ARHGAP22: variants seen among roughly 807,000 people sequenced by gnomAD.
The protein encoded by ARHGAP22 is Rho GTPase activating protein 22, also known as rho GTPase-activating protein 22.
ARHGAP22 carries 48 observed loss-of-function variants against 59.1 expected under a neutral mutation model. The ratio of observed to expected loss-of-function variants is 0.81; its 90% CI spans 0.64 to 1.03. The LOEUF (loss-of-function observed/expected upper bound fraction) is 1.03, where lower values mean the gene tolerates loss of function less well. Among genes scored for constraint, ARHGAP22 ranks in the 50% least tolerant of loss-of-function variants. ARHGAP22 has a pLI of 0.00. For synonymous variants in ARHGAP22, 445 were observed against 416.4 expected (o/e 1.07, Z -0.84); for missense variants, 1,015 against 958.7 (o/e 1.06, Z -0.78).
chr10:48,610,206 C>G (rs1488008848), intron 1 of ARHGAP22, among the ~76,000 whole-genome samples: 1 of 152,210 alleles, frequency 6.6e-6, no homozygotes, highest in Non-Finnish European at 1.5e-5. Flanking sequence ...CCTTTGACAG[C>G]TCAGGACCCC....
At chr10:48,488,649 C>A (rs1188527423) in intron 3 of ARHGAP22, among the ~76,000 whole-genome samples, 1 of 152,216 alleles carries the variant, frequency 6.6e-6, no homozygotes, top group African/African-American at 2.4e-5. Flanking sequence ...CTGTCCTACG[C>A]CCTACAAGCT....
Position 48,459,769 on chromosome 10 carries a change from C to T in ARHGAP22, c.574G>A (p.Gly192Arg). Residue 192 changes from glycine (G) to arginine (R), a missense_variant, in exon 5 of 10, where the codon GGG becomes AGG. Physicochemically the swap from Gly to Arg is moderately radical, Grantham distance 125. Transcript: ENST00000249601. ...FIRERGLTEEGLFRMPGQANL... is the reference protein window; with the variant it reads ...FIRERGLTEERLFRMPGQANL... ...GCCTGGCCTGGCATGCGGAACAGCC[C>T]CTCCTCAGTGAGCCCGCGCTCCCGG... 1 of 1,614,034 alleles carries T rather than the reference C, an allele frequency of 6.2e-7. No individual in the cohort carries two copies. The highest frequency in any genetic ancestry group is 8.5e-7 in the Non-Finnish European group (1 of 1,180,032).
At chr10:48,459,653 G>C (rs180738000) in intron 5 of ARHGAP22, 31 bp downstream of exon 5, 2 of 1,611,440 alleles carry the variant, frequency 1.2e-6, no homozygotes. Flanking sequence ...ATGGACAAAT[G>C]GCTCCACCTT....
chr10:48,642,628 A>G (rs2062099461), intron 1 of ARHGAP22, among the ~76,000 whole-genome samples: 1 of 152,258 alleles, frequency 6.6e-6, no homozygotes, highest in African/African-American at 2.4e-5. Context: ...CTAAAACCAT[A>G]AAAACCCTAG....
intron 3 of ARHGAP22, among the ~76,000 whole-genome samples, chr10:48,480,586 C>T (rs552980700): frequency 4.6e-5 from 7 of 152,318 alleles, no homozygotes; most frequent in South Asian, 2.1e-4. Flanking sequence ...GCCCAAGCCA[C>T]GCTTTGCTGG....
chr10:48,553,131 G>T (rs1022006589), intron 3 of ARHGAP22, among the ~76,000 whole-genome samples: 24 of 152,226 alleles, frequency 1.6e-4, no homozygotes, highest in African/African-American at 5.5e-4. Flanking sequence ...GAGCAGAGGG[G>T]ACCACTCTTG....
chr10:48,538,365 T>A (rs2055577392), intron 3 of ARHGAP22, among the ~76,000 whole-genome samples: 1 of 152,244 alleles, frequency 6.6e-6, no homozygotes, highest in Admixed American at 6.5e-5. Context: ...TCATTGCATC[T>A]GCATGAATTC....
chr10:48,579,481 C>G (rs1462190627), intron 2 of ARHGAP22, among the ~76,000 whole-genome samples: 2 of 152,222 alleles, frequency 1.3e-5, no homozygotes, highest in East Asian at 3.8e-4. Flanking sequence ...GGGTGCACTT[C>G]CAGGCTCTGC....
chr10:48,653,675 G>A (rs927016897), upstream of ARHGAP22, among the ~76,000 whole-genome samples: 4 of 152,220 alleles, frequency 2.6e-5, no homozygotes, highest in Non-Finnish European at 5.9e-5. Context: ...AATTTGGGTT[G>A]CAAAGGCCAG....
the ARHGAP22 span, chr10:48,431,368 T>A: frequency 8.2e-5 from 63 of 769,806 alleles, no homozygotes; most frequent in Non-Finnish European, 1.2e-4. Context: ...ATTTACAAAA[T>A]CATTATTATT....
chr10:48,555,313 G>A, intron 3 of ARHGAP22, 150 bp downstream of exon 3: 1 of 664,778 alleles, frequency 1.5e-6, no homozygotes, highest in Non-Finnish European at 2.6e-6. Context: ...ATGTGAGTAT[G>A]CTGTCGATTT....
chr10:48,568,542 G>A (rs1379980709), intron 2 of ARHGAP22, among the ~76,000 whole-genome samples: 3 of 152,242 alleles, frequency 2.0e-5, no homozygotes, highest in African/African-American at 7.2e-5. Context: ...TGTTCACAGG[G>A]AACCAGCCCT....
At chr10:48,563,974 T>C (rs995199515) in intron 2 of ARHGAP22, among the ~76,000 whole-genome samples, 1 of 152,172 alleles carries the variant, frequency 6.6e-6, no homozygotes, top group Admixed American at 6.5e-5. Context: ...ATACAAATGG[T>C]CAATAAATTT....
intron 3 of ARHGAP22, among the ~76,000 whole-genome samples, chr10:48,487,101 A>G (rs541031919): frequency 1.3e-5 from 2 of 152,312 alleles, no homozygotes; most frequent in South Asian, 4.1e-4. Flanking sequence ...TTTTCATAAC[A>G]TTTGGAATAT....
intron 1 of ARHGAP22, among the ~76,000 whole-genome samples, chr10:48,603,327 C>T (rs2060494690): frequency 6.6e-6 from 1 of 152,120 alleles, no homozygotes; most frequent in African/African-American, 2.4e-5. Flanking sequence ...TAATATGAGT[C>T]ACATATGTAC....
Position 48,643,304 on chromosome 10 carries a change from G to C in ARHGAP22, c.52+8930C>G, listed in dbSNP as rs182017798. Among the ~76,000 whole-genome samples the C allele has an allele frequency of 1.8e-4, 28 of 152,114 alleles. No homozygotes were observed. In the East Asian group the frequency reaches 5.4e-3, roughly 29 times the overall value. ...CACATGCACACGCCGCAATAAACAC[G>C]CATGTTTATTGCGGCACTATTCACA... On this transcript the variant is annotated intron_variant, in intron 1 of 9. Transcript: ENST00000435790.
chr10:48,582,109 GC>G (rs2059154323), intron 2 of ARHGAP22, among the ~76,000 whole-genome samples: 1 of 152,152 alleles, frequency 6.6e-6, no homozygotes, highest in African/African-American at 2.4e-5. Context: ...TCCCCTCTCT[GC>G]CCCCAAGCTG....
upstream of ARHGAP22, among the ~76,000 whole-genome samples, chr10:48,609,359 T>C (rs113209660): frequency 0.073 from 11,074 of 152,196 alleles, 1,315 homozygotes; most frequent in African/African-American, 0.25. Flanking sequence ...TGTGGTTACT[T>C]CTAGGCCTGG....
chr10:48,553,608 A>C (rs1043899775), intron 3 of ARHGAP22, among the ~76,000 whole-genome samples: 11 of 152,128 alleles, frequency 7.2e-5, no homozygotes, highest in Admixed American at 1.3e-4. Flanking sequence ...CCTATCTTAG[A>C]GGGATGTTGG....
Sources: gnomAD v4.1 joint callset for allele counts (sites outside exome capture counted in the v4.1 genomes callset) on GRCh38, gnomAD v4.1.1 for gene constraint, MANE v1.5 for transcripts, NCBI Gene and HGNC (gene_info 2026-07-23, HGNC 2026-07-21) for gene names.